Variants in COL25A1 observed in about 807,000 individuals in gnomAD.
COL25A1 encodes the protein collagen alpha-1(XXV) chain.
COL25A1 carries 103 observed loss-of-function variants against 128.4 expected under a neutral mutation model. The ratio of observed to expected loss-of-function variants is 0.80; its 90% CI spans 0.68 to 0.94. The LOEUF (loss-of-function observed/expected upper bound fraction) is 0.94, where lower values mean the gene tolerates loss of function less well. Ranked by LOEUF, COL25A1 falls within the 40% of genes least tolerant of loss-of-function variation. COL25A1 has a pLI of 0.00. For missense variants in COL25A1, 745 were observed against 840.0 expected (o/e 0.89, Z 1.40); for synonymous variants, 279 against 277.2 (o/e 1.01, Z -0.06).
intron 8 of COL25A1, among the ~76,000 whole-genome samples, chr4:108,973,814 A>T (rs1411635157): frequency 6.6e-6 from 1 of 152,196 alleles, no homozygotes; most frequent in Non-Finnish European, 1.5e-5. Context: ...GAGAAGCTTA[A>T]AAGAATGCTC....
chr4:108,943,531 G>A (rs893594774), intron 8 of COL25A1, among the ~76,000 whole-genome samples: 5 of 152,160 alleles, frequency 3.3e-5, no homozygotes, highest in Non-Finnish European at 7.3e-5. Flanking sequence ...CTTACAACAT[G>A]TGTATTTCAT....
intron 5 of COL25A1, among the ~76,000 whole-genome samples, chr4:109,028,186 G>A (rs762797288): frequency 3.9e-5 from 6 of 152,166 alleles, no homozygotes; most frequent in Non-Finnish European, 7.3e-5. Flanking sequence ...GTGCAGTGGT[G>A]CAATCAGAGC....
At chr4:109,083,082 T>G (rs1004351219) in intron 3 of COL25A1, among the ~76,000 whole-genome samples, 7 of 152,200 alleles carry the variant, frequency 4.6e-5, no homozygotes, top group Admixed American at 1.3e-4. Context: ...TTTAAAAATC[T>G]GATATTGTAA....
intron 6 of COL25A1, among the ~76,000 whole-genome samples, chr4:108,983,680 A>C (rs1372464445): frequency 6.6e-6 from 1 of 151,718 alleles, no homozygotes; most frequent in East Asian, 1.9e-4. Flanking sequence ...TGGTGGGTTC[A>C]TGGTCTCGCT....
rs184338040 is a variant in COL25A1 at position 108,992,104 on chromosome 4, T to C, written c.439-17545A>G. Among the ~76,000 whole-genome samples, 11 of 152,294 alleles carry C rather than the reference T, an allele frequency of 7.2e-5. No individual in the cohort carries two copies. The East Asian group carries it at 1.9e-3, about 27-fold the overall frequency. Reference sequence around the variant, plus strand: ...CAAGCCCCTGTGTGCAGTTGTCCGATGGTACTTGCTTGTGGTTTCTCTCAC... The same window carrying C: ...CAAGCCCCTGTGTGCAGTTGTCCGACGGTACTTGCTTGTGGTTTCTCTCAC... On this transcript the variant is annotated intron_variant, in intron 6 of 37. Coordinates refer to ENST00000399132, the MANE Select transcript of COL25A1 (RefSeq NM_198721.4).
intron 3 of COL25A1, among the ~76,000 whole-genome samples, chr4:109,081,892 TG>T (rs1763867594): frequency 6.6e-6 from 1 of 151,900 alleles, no homozygotes; most frequent in Non-Finnish European, 1.5e-5. Context: ...TTAGTAGAGA[TG>T]GGGTTTCACT....
At chr4:109,024,309 T>C (rs1273009764) in intron 5 of COL25A1, among the ~76,000 whole-genome samples, 1 of 152,146 alleles carries the variant, frequency 6.6e-6, no homozygotes. Context: ...TATCTGACTA[T>C]TTCTTTATAA....
intron 3 of COL25A1, among the ~76,000 whole-genome samples, chr4:109,091,972 T>C (rs1764952608): frequency 6.6e-6 from 1 of 152,162 alleles, no homozygotes; most frequent in Non-Finnish European, 1.5e-5. Context: ...TTAAAACATT[T>C]ATGACATGTT....
At chr4:109,047,622 A>G (rs1253233598) in intron 5 of COL25A1, among the ~76,000 whole-genome samples, 1 of 152,206 alleles carries the variant, frequency 6.6e-6, no homozygotes, top group Non-Finnish European at 1.5e-5. Context: ...ACCTATGGAA[A>G]TAAAAAAATT....
intron 8 of COL25A1, among the ~76,000 whole-genome samples, chr4:108,954,512 T>G (rs1158705577): frequency 6.6e-6 from 1 of 152,004 alleles, no homozygotes; most frequent in East Asian, 1.9e-4. Context: ...AGTACTTTTA[T>G]GCTTCCAAAT....
intron 3 of COL25A1, among the ~76,000 whole-genome samples, chr4:109,111,918 C>A (rs1424651092): frequency 1.3e-5 from 2 of 152,036 alleles, no homozygotes; most frequent in Non-Finnish European, 2.9e-5. Context: ...TAGCATTTTT[C>A]TCCAGTGAAT....
chr4:108,867,300 C>T (rs1005439137), intron 20 of COL25A1, among the ~76,000 whole-genome samples: 1 of 152,194 alleles, frequency 6.6e-6, no homozygotes, highest in Non-Finnish European at 1.5e-5. Context: ...TGCCCATCTG[C>T]GAGGCTGACT....
At chr4:109,042,382 AACAACCTGAG>A (rs1759998288) in intron 5 of COL25A1, among the ~76,000 whole-genome samples, 1 of 152,014 alleles carries the variant, frequency 6.6e-6, no homozygotes, top group Non-Finnish European at 1.5e-5. Context: ...GCTCAAAATG[AACAACCTGAG>A]TTGTTCATTT....
chr4:108,846,788 C>A (rs1563004), intron 27 of COL25A1, among the ~76,000 whole-genome samples: 6 of 152,096 alleles, frequency 3.9e-5, no homozygotes, highest in East Asian at 1.9e-4. Context: ...TCACAGTGTT[C>A]TTATTTTGTT....
At chr4:109,280,518 A>C (rs995540796) in intron 3 of COL25A1, among the ~76,000 whole-genome samples, 1 of 152,232 alleles carries the variant, frequency 6.6e-6, no homozygotes, top group Non-Finnish European at 1.5e-5. Context: ...AAAGTTAGCT[A>C]TGAAGACATT....
rs1782065840 is a variant in COL25A1, at chr4:109,269,760, C to A, written c.367+30823G>T. On this transcript the variant is annotated intron_variant, in intron 3 of 37. Coordinates refer to ENST00000399132, the MANE Select transcript of COL25A1 (RefSeq NM_198721.4). ...CTGATACCAAAGCCGGGCAGAGACA[C>A]AACCAAAAAAGAGAATTTTAGACCA... Among the ~76,000 whole-genome samples, 5 of 152,026 alleles carry A rather than the reference C, an allele frequency of 3.3e-5. No homozygotes were observed. In the South Asian group the frequency reaches 8.3e-4, roughly 25 times the overall value.
intron 32 of COL25A1, among the ~76,000 whole-genome samples, chr4:108,830,784 G>A (rs1327776583): frequency 2.6e-5 from 4 of 152,260 alleles, no homozygotes; most frequent in Non-Finnish European, 4.4e-5. Flanking sequence ...ACCCTCTTGA[G>A]CCCCAGGGCA....
chr4:109,061,578 C>T (rs1397553880), intron 3 of COL25A1, among the ~76,000 whole-genome samples: 1 of 152,186 alleles, frequency 6.6e-6, no homozygotes, highest in Admixed American at 6.5e-5. Flanking sequence ...GCTAAACTAA[C>T]TGAGAACACA....
intron 3 of COL25A1, among the ~76,000 whole-genome samples, chr4:109,103,327 C>T (rs543115068): frequency 6.7e-6 from 1 of 149,616 alleles, no homozygotes; most frequent in Non-Finnish European, 1.5e-5. Context: ...ACTCTCTAGA[C>T]AAATTCAGTG....
Sources: gnomAD v4.1 joint callset for allele counts (sites outside exome capture counted in the v4.1 genomes callset) on GRCh38, gnomAD v4.1.1 for gene constraint, MANE v1.5 for transcripts, NCBI Gene and HGNC (gene_info 2026-07-23, HGNC 2026-07-21) for gene names.